GPC6: variants seen among roughly 807,000 people sequenced by gnomAD.
The protein encoded by GPC6 is glypican 6, also known as glypican-6.
A neutral mutation model predicts 55.2 loss-of-function variants in GPC6; 14 were observed. That is an observed-to-expected ratio of 0.25 (90% CI 0.17 to 0.40). The LOEUF is 0.40. GPC6 is among the 10% of genes least tolerant of loss of function. The probability of loss-of-function intolerance (pLI) is 1.00; values close to 1 mark genes in which losing one functional copy is unlikely to be tolerated. For missense variants in GPC6, 641 were observed against 708.5 expected (o/e 0.90, Z 1.08); for synonymous variants, 278 against 259.6 (o/e 1.07, Z -0.68).
At chr13:93,314,754 T>TGCGCGCGCGC (rs143367023) in intron 1 of GPC6, among the ~76,000 whole-genome samples, 3 of 149,294 alleles carry the variant, frequency 2.0e-5, no homozygotes, top group African/African-American at 7.5e-5. Context: ...TGTGTGTGTG[T>TGCGCGCGCGC]GTGCACGCAT....
At chr13:93,543,748 T>C (rs2139431319) in intron 1 of GPC6, among the ~76,000 whole-genome samples, 4 of 152,296 alleles carry the variant, frequency 2.6e-5, no homozygotes, top group Admixed American at 2.6e-4. Context: ...ACTGATTCCA[T>C]ATCTTGGCTA....
chr13:93,331,466 A>G (rs974598834), intron 1 of GPC6, among the ~76,000 whole-genome samples: 8 of 152,216 alleles, frequency 5.3e-5, no homozygotes, highest in African/African-American at 1.9e-4. Flanking sequence ...AAGGTTAGCT[A>G]TGGATATAGT....
At chr13:94,161,644 G>T (rs1285130002) in intron 4 of GPC6, among the ~76,000 whole-genome samples, 1 of 152,154 alleles carries the variant, frequency 6.6e-6, no homozygotes, top group Non-Finnish European at 1.5e-5. Context: ...GACATGTAAA[G>T]AGTATGGCCA....
At chr13:93,337,987 T>C (rs1880106071) in intron 1 of GPC6, among the ~76,000 whole-genome samples, 1 of 152,214 alleles carries the variant, frequency 6.6e-6, no homozygotes, top group Non-Finnish European at 1.5e-5. Flanking sequence ...CCTTAATAAC[T>C]GTAGAGAACC....
chr13:93,895,234 G>GTATATATA lies in GPC6; in HGVS notation c.711+64725_711+64732dup, dbSNP rs60375718. 3.1e-4 allele frequency among the ~76,000 whole-genome samples: 34 copies of GTATATATA among 108,210 alleles called. 1 individual carries two copies. The highest frequency in any genetic ancestry group is 4.8e-4 in the African/African-American group (13 of 27,140). 71.0% of individuals were successfully genotyped at this position (108,210 alleles called of 152,430 possible). On this transcript the variant is annotated intron_variant, in intron 3 of 8. Coordinates refer to ENST00000377047, the MANE Select transcript of GPC6 (RefSeq NM_005708.5). ...TGTGTGTGTATGTATGTGTGTGTGTGTATATATATATATATATATATATAT... is the reference window on the plus strand; with the variant it reads ...TGTGTGTGTATGTATGTGTGTGTGTGTATATATATATATATATATATATATATATATAT...
At chr13:93,803,295 T>C (rs762081705) in intron 2 of GPC6, among the ~76,000 whole-genome samples, 1 of 152,102 alleles carries the variant, frequency 6.6e-6, no homozygotes, top group Non-Finnish European at 1.5e-5. Context: ...ATGACTTGAA[T>C]AGACATTTCT....
rs201944271 is a variant in GPC6 at position 93,389,620 on chromosome 13, CAG to C, written c.161-155641_161-155640del. On this transcript the variant is annotated intron_variant, in intron 1 of 8. Coordinates refer to ENST00000377047, the MANE Select transcript of GPC6 (RefSeq NM_005708.5). The stretch of plus-strand genomic sequence containing the variant: ...GAATGTATGTATATATGTATACACA[CAG>C]AATGTATGTATATACTACCTTTAAT... Among the ~76,000 whole-genome samples the C allele has an allele frequency of 3.4e-3, 517 of 151,846 alleles. 4 individuals carry two copies. The highest frequency in any genetic ancestry group is 0.012 in the African/African-American group (496 of 41,356).
intron 1 of GPC6, among the ~76,000 whole-genome samples, chr13:93,417,630 G>T (rs1323103287): frequency 6.6e-6 from 1 of 152,084 alleles, no homozygotes; most frequent in Non-Finnish European, 1.5e-5. Flanking sequence ...GTTTTGAAGA[G>T]TAATTGAAAA....
At chr13:93,291,533 T>G (rs1326106744) in intron 1 of GPC6, among the ~76,000 whole-genome samples, 1 of 152,138 alleles carries the variant, frequency 6.6e-6, no homozygotes, top group East Asian at 1.9e-4. Context: ...TTAGAATAAT[T>G]TACTTATTTT....
chr13:93,409,200 G>A (rs961459854), intron 1 of GPC6, among the ~76,000 whole-genome samples: 4 of 151,224 alleles, frequency 2.6e-5, no homozygotes, highest in Non-Finnish European at 5.9e-5. Flanking sequence ...TGCCATTTGC[G>A]GTATATAGTT....
chr13:94,045,391 C>G (rs1282038876), intron 4 of GPC6, among the ~76,000 whole-genome samples: 1 of 151,810 alleles, frequency 6.6e-6, no homozygotes, highest in East Asian at 1.9e-4. Flanking sequence ...TATCTAAAAC[C>G]ATACTTTTTT....
intron 6 of GPC6, among the ~76,000 whole-genome samples, chr13:94,360,849 C>T (rs1386508711): frequency 6.6e-6 from 1 of 152,162 alleles, no homozygotes; most frequent in African/African-American, 2.4e-5. Flanking sequence ...CTCTGGGCCC[C>T]CACTGCCAAG....
intron 4 of GPC6, among the ~76,000 whole-genome samples, chr13:94,072,346 T>G (rs1257691474): frequency 3.9e-5 from 6 of 152,100 alleles, no homozygotes; most frequent in African/African-American, 1.4e-4. Flanking sequence ...GCCCCTTGTT[T>G]TTTTGTTTGC....
chr13:93,838,237 A>C (rs942930421), intron 3 of GPC6, among the ~76,000 whole-genome samples: 33 of 152,176 alleles, frequency 2.2e-4, no homozygotes, highest in African/African-American at 7.7e-4. Flanking sequence ...GAAAAGTCCA[A>C]GTGTAGTGTA....
chr13:93,256,642 A>T (rs1322624418), intron 1 of GPC6, among the ~76,000 whole-genome samples: 1 of 152,148 alleles, frequency 6.6e-6, no homozygotes, highest in Admixed American at 6.5e-5. Context: ...CCTAGAAAAC[A>T]ACCTCTATGT....
chr13:93,893,045 G>C (rs11840391), intron 3 of GPC6, among the ~76,000 whole-genome samples: 10,258 of 151,484 alleles, frequency 0.068, 1,088 homozygotes, highest in African/African-American at 0.22. Flanking sequence ...ATTTTTGCCA[G>C]TAATAACCAT....
chr13:94,358,675 T>G (rs1281035745), intron 6 of GPC6, among the ~76,000 whole-genome samples: 1 of 152,204 alleles, frequency 6.6e-6, no homozygotes. Context: ...GTCTAGTACC[T>G]GTGTCTGTAC....
chr13:93,469,901 G>A (rs1879047203), intron 1 of GPC6, among the ~76,000 whole-genome samples: 1 of 151,946 alleles, frequency 6.6e-6, no homozygotes. Context: ...TTGCTTTTCT[G>A]TTTTTGTCAG....
intron 3 of GPC6, among the ~76,000 whole-genome samples, chr13:93,897,475 T>C (rs1295313571): frequency 3.3e-5 from 5 of 151,994 alleles, no homozygotes. Context: ...AAAAATCAAA[T>C]GAAACAATTC....
Sources: allele counts gnomAD v4.1 joint callset (sites outside exome capture counted in the v4.1 genomes callset), GRCh38; gene constraint gnomAD v4.1.1; transcripts MANE v1.5; gene names NCBI Gene and HGNC (gene_info 2026-07-23, HGNC 2026-07-21).